Variants in PRMT3 observed in about 807,000 individuals in gnomAD.
PRMT3 encodes the protein protein arginine N-methyltransferase 3.
Under a neutral mutation model 71.9 loss-of-function variants are expected in PRMT3, and 62 were observed. The ratio of observed to expected loss-of-function variants is 0.86; its 90% CI spans 0.70 to 1.07. The LOEUF is 1.07. Ranked by LOEUF, PRMT3 falls within the 50% of genes least tolerant of loss-of-function variation. PRMT3 has a pLI of 0.00. For synonymous variants in PRMT3, 213 were observed against 220.4 expected (o/e 0.97, Z 0.30); for missense variants, 663 against 643.0 (o/e 1.03, Z -0.34).
At chr11:20,452,857 G>C (rs1465836590) in intron 11 of PRMT3, among the ~76,000 whole-genome samples, 1 of 152,148 alleles carries the variant, frequency 6.6e-6, no homozygotes, top group Non-Finnish European at 1.5e-5. Context: ...TTCAGGACAG[G>C]GATTGTGTTT....
chr11:20,404,282 G>T (rs1849024249), intron 8 of PRMT3, among the ~76,000 whole-genome samples: 1 of 122,222 alleles, frequency 8.2e-6, no homozygotes, highest in African/African-American at 3.3e-5. Context: ...TCGCCATGCT[G>T]GAGTGCACTG....
At chr11:20,444,670 T>G (rs1038308379) in intron 10 of PRMT3, among the ~76,000 whole-genome samples, 1 of 152,198 alleles carries the variant, frequency 6.6e-6, no homozygotes, top group Non-Finnish European at 1.5e-5. Context: ...TGGCCCAGCA[T>G]GTGGTCTCTC....
At chr11:20,421,325 AC>A (rs1849420862) in intron 9 of PRMT3, among the ~76,000 whole-genome samples, 1 of 152,196 alleles carries the variant, frequency 6.6e-6, no homozygotes, top group Non-Finnish European at 1.5e-5. Flanking sequence ...AGCATGAGCC[AC>A]CACTCCTGGC....
intron 9 of PRMT3, among the ~76,000 whole-genome samples, chr11:20,412,019 G>A (rs1471906141): frequency 6.6e-6 from 1 of 152,074 alleles, no homozygotes; most frequent in Non-Finnish European, 1.5e-5. Flanking sequence ...TGTGGAAATT[G>A]AACAAGTAGA....
At chr11:20,493,537 T>A (rs1851259936) in intron 13 of PRMT3, among the ~76,000 whole-genome samples, 1 of 152,342 alleles carries the variant, frequency 6.6e-6, no homozygotes, top group South Asian at 2.1e-4. Context: ...GTCTGAACAC[T>A]TGACTACAGC....
chr11:20,502,385 T>G (rs1181869950), intron 15 of PRMT3, among the ~76,000 whole-genome samples: 1 of 152,230 alleles, frequency 6.6e-6, no homozygotes, highest in Admixed American at 6.5e-5. Context: ...AATGATTGTG[T>G]GTGCACCCTC....
At chr11:20,506,386 A>T (rs917334412) in intron 15 of PRMT3, among the ~76,000 whole-genome samples, 3 of 152,182 alleles carry the variant, frequency 2.0e-5, no homozygotes, top group Non-Finnish European at 2.9e-5. Flanking sequence ...ACACATTAAC[A>T]TATATACGTA....
At position 20,494,227 on chromosome 11, in the gene PRMT3, C is replaced by A; in HGVS notation, c.1459C>A (p.Leu487Met). The stretch of plus-strand genomic sequence containing the variant: ...ACACTGGAAACAAACAGTATTTCTA[C>A]TGGAAAAACCATTTTCAGTTAAAGC... Reference protein sequence around the residue: ...KTHWKQTVFLLEKPFSVKAGE... With the variant: ...KTHWKQTVFLMEKPFSVKAGE... Residue 487 changes from leucine to methionine, a missense_variant, in exon 15 of 16, where the codon CTG becomes ATG. Leu to Met is a conservative substitution (Grantham distance 15, BLOSUM62 2). Transcript: ENST00000331079. 1 of 1,607,642 alleles carries A rather than the reference C, an allele frequency of 6.2e-7. No homozygotes were observed. Among genetic ancestry groups the A allele is most frequent in the Non-Finnish European group, 8.5e-7 (1 of 1,174,274 alleles).
At chr11:20,441,602 C>T (rs1719219715) in intron 10 of PRMT3, among the ~76,000 whole-genome samples, 1 of 152,002 alleles carries the variant, frequency 6.6e-6, no homozygotes, top group African/African-American at 2.4e-5. Context: ...CCACCGCGCC[C>T]AGCCTGTAAT....
chr11:20,403,201 A>G (rs1051337831), intron 8 of PRMT3, among the ~76,000 whole-genome samples: 2 of 152,360 alleles, frequency 1.3e-5, no homozygotes, highest in Middle Eastern at 3.4e-3. Context: ...GAAAGTTATT[A>G]CAATGGCGTA....
chr11:20,391,454 G>T (rs190745536), intron 3 of PRMT3, among the ~76,000 whole-genome samples: 1 of 152,120 alleles, frequency 6.6e-6, no homozygotes, highest in Non-Finnish European at 1.5e-5. Context: ...TGTTGGTCAG[G>T]CTGGTCTGGA....
At chr11:20,490,276 T>C (rs1851176597) in intron 13 of PRMT3, among the ~76,000 whole-genome samples, 1 of 152,138 alleles carries the variant, frequency 6.6e-6, no homozygotes, top group South Asian at 2.1e-4. Flanking sequence ...TCAAAGATAC[T>C]GTGAGGCATT....
At chr11:20,476,653 C>A (rs1464837791) in intron 13 of PRMT3, among the ~76,000 whole-genome samples, 2 of 152,032 alleles carry the variant, frequency 1.3e-5, no homozygotes, top group East Asian at 1.9e-4. Context: ...CTTTTTAATT[C>A]ATTATTTCTT....
At chr11:20,475,951 C>T (rs888791070) in intron 13 of PRMT3, among the ~76,000 whole-genome samples, 1 of 151,884 alleles carries the variant, frequency 6.6e-6, no homozygotes, top group Non-Finnish European at 1.5e-5. Context: ...GCTGGGATTA[C>T]AGGCATGAGC....
At chr11:20,464,611 G>A in intron 13 of PRMT3, 65 bp downstream of exon 13, 6 of 1,584,034 alleles carry the variant, frequency 3.8e-6, no homozygotes, top group African/African-American at 1.4e-5. Context: ...AGGCTAATGA[G>A]TTTAATTACC....
At chr11:20,408,167 T>G in intron 9 of PRMT3, 135 bp downstream of exon 9, 1 of 525,490 alleles carries the variant, frequency 1.9e-6, no homozygotes. Context: ...TCCAGAATAA[T>G]AAGATTTTAA....
At chr11:20,453,531 C>A (rs1464087282) in intron 11 of PRMT3, among the ~76,000 whole-genome samples, 1 of 151,180 alleles carries the variant, frequency 6.6e-6, no homozygotes, top group South Asian at 2.1e-4. Flanking sequence ...AGAGAAAATT[C>A]TCCAGAACAA....
At chr11:20,403,257 TAA>T (rs1277067433) in intron 8 of PRMT3, among the ~76,000 whole-genome samples, 2 of 152,250 alleles carry the variant, frequency 1.3e-5, no homozygotes, top group Non-Finnish European at 2.9e-5. Flanking sequence ...CTTATTCAGA[TAA>T]TTTTGCTTAA....
intron 10 of PRMT3, among the ~76,000 whole-genome samples, chr11:20,448,749 G>A (rs1850085848): frequency 6.6e-6 from 1 of 152,100 alleles, no homozygotes. Flanking sequence ...TTCAATGAAT[G>A]AAGTTAATAT....
Sources: gnomAD v4.1 joint callset for allele counts (sites outside exome capture counted in the v4.1 genomes callset) on GRCh38, gnomAD v4.1.1 for gene constraint, MANE v1.5 for transcripts, NCBI Gene and HGNC (gene_info 2026-07-23, HGNC 2026-07-21) for gene names.